ZNF804B: variants seen among roughly 807,000 people sequenced by gnomAD.
ZNF804B encodes zinc finger protein 804B, also known as zinc finger 804B.
Under a neutral mutation model 101.4 loss-of-function variants are expected in ZNF804B, and 80 were observed. The ratio of observed to expected loss-of-function variants is 0.79; its 90% confidence interval spans 0.66 to 0.95. The LOEUF is 0.95. Ranked by LOEUF, ZNF804B falls within the 40% of genes least tolerant of loss-of-function variation. The pLI is 0.00. For missense variants in ZNF804B, 1,673 were observed against 1,561.9 expected (o/e 1.07, Z -1.20); for synonymous variants, 622 against 558.8 (o/e 1.11, Z -1.59).
At chr7:88,854,527 T>TTTCCTTTCCTTTCCTTTCC (rs1791519535) in intron 1 of ZNF804B, among the ~76,000 whole-genome samples, 1 of 40,074 alleles carries the variant, frequency 2.5e-5, no homozygotes, top group Non-Finnish European at 4.6e-5. Context: ...CTTTCCTTCC[T>TTTCCTTTCCTTTCCTTTCC]TTCCTTCCTT....
intron 2 of ZNF804B, among the ~76,000 whole-genome samples, chr7:89,258,010 G>C (rs1280941539): frequency 6.6e-6 from 1 of 151,808 alleles, no homozygotes; most frequent in African/African-American, 2.4e-5. Context: ...AATATGATTG[G>C]CCCTTCATAT....
chr7:88,777,867 A>AT (rs397971204), intron 1 of ZNF804B, among the ~76,000 whole-genome samples: 4 of 150,954 alleles, frequency 2.6e-5, no homozygotes, highest in Admixed American at 2.0e-4. Flanking sequence ...AAAAAAAAAA[A>AT]TTGCAGAAAC....
intron 1 of ZNF804B, among the ~76,000 whole-genome samples, chr7:89,044,216 C>G (rs1789065532): frequency 6.6e-6 from 1 of 152,108 alleles, no homozygotes; most frequent in South Asian, 2.1e-4. Flanking sequence ...CCTCTTTGCT[C>G]AACACTTCTT....
chr7:88,797,563 T>C (rs1199068569), intron 1 of ZNF804B, among the ~76,000 whole-genome samples: 2 of 152,130 alleles, frequency 1.3e-5, no homozygotes, highest in African/African-American at 2.4e-5. Context: ...GGACAGGCAA[T>C]GGTGTGATTT....
intron 1 of ZNF804B, among the ~76,000 whole-genome samples, chr7:89,079,779 G>A (rs897340113): frequency 1.3e-5 from 2 of 151,894 alleles, no homozygotes; most frequent in Non-Finnish European, 2.9e-5. Context: ...ATGACTTGCC[G>A]ATATCCAGGG....
chr7:89,112,446 T>C (rs550333613), intron 1 of ZNF804B, among the ~76,000 whole-genome samples: 53 of 152,214 alleles, frequency 3.5e-4, no homozygotes, highest in Non-Finnish European at 6.9e-4. Context: ...TGAGTCTATT[T>C]CTGGGCTCTC....
At chr7:89,186,897 A>C (rs1258447566) in intron 1 of ZNF804B, among the ~76,000 whole-genome samples, 1 of 152,190 alleles carries the variant, frequency 6.6e-6, no homozygotes, top group Non-Finnish European at 1.5e-5. Flanking sequence ...GAAAATAATA[A>C]GAGCCCTTTG....
intron 1 of ZNF804B, among the ~76,000 whole-genome samples, chr7:89,017,181 G>C (rs1157570626): frequency 6.6e-6 from 1 of 152,164 alleles, no homozygotes; most frequent in African/African-American, 2.4e-5. Flanking sequence ...TTTGTACATT[G>C]ATATTGTATC....
intron 1 of ZNF804B, among the ~76,000 whole-genome samples, chr7:88,884,905 T>A (rs1792101214): frequency 6.6e-6 from 1 of 151,900 alleles, no homozygotes; most frequent in Admixed American, 6.6e-5. Flanking sequence ...TGTTTATTAG[T>A]CTCGTCCATT....
intron 1 of ZNF804B, among the ~76,000 whole-genome samples, chr7:88,809,129 T>G (rs1790737527): frequency 6.6e-6 from 1 of 152,170 alleles, no homozygotes; most frequent in Non-Finnish European, 1.5e-5. Context: ...TTTTAAGGAT[T>G]TCTAATGTGA....
At chr7:88,912,573 C>T (rs1440456144) in intron 1 of ZNF804B, among the ~76,000 whole-genome samples, 1 of 151,964 alleles carries the variant, frequency 6.6e-6, no homozygotes, top group Non-Finnish European at 1.5e-5. Flanking sequence ...CTTGGGTAAA[C>T]TTTTGTGTAT....
At chr7:89,011,692 A>C (rs1788464331) in intron 1 of ZNF804B, among the ~76,000 whole-genome samples, 1 of 152,164 alleles carries the variant, frequency 6.6e-6, no homozygotes, top group African/African-American at 2.4e-5. Flanking sequence ...TCTCTCATGC[A>C]GGTCACACTG....
At chr7:88,853,179 T>C (rs1315715040) in intron 1 of ZNF804B, among the ~76,000 whole-genome samples, 1 of 152,148 alleles carries the variant, frequency 6.6e-6, no homozygotes, top group Non-Finnish European at 1.5e-5. Context: ...GATAACCTGC[T>C]TTAGCTTCTT....
chr7:89,042,309 T>A (rs1305907257), intron 1 of ZNF804B, among the ~76,000 whole-genome samples: 1 of 152,178 alleles, frequency 6.6e-6, no homozygotes, highest in East Asian at 1.9e-4. Context: ...TTCTGAAAGT[T>A]CTGTTTGAAG....
intron 1 of ZNF804B, among the ~76,000 whole-genome samples, chr7:89,173,248 A>G (rs1446729195): frequency 6.6e-6 from 1 of 152,076 alleles, no homozygotes; most frequent in Non-Finnish European, 1.5e-5. Flanking sequence ...ACACCATTCC[A>G]CAATAAGTTC....
At chr7:89,119,738 A>C (rs188931330) in intron 1 of ZNF804B, among the ~76,000 whole-genome samples, 2 of 152,348 alleles carry the variant, frequency 1.3e-5, no homozygotes, top group East Asian at 3.9e-4. Flanking sequence ...TACTTAAATC[A>C]AGCAAGCTAA....
chr7:89,090,320 T>C (rs533733193), intron 1 of ZNF804B, among the ~76,000 whole-genome samples: 2 of 151,940 alleles, frequency 1.3e-5, no homozygotes, highest in Non-Finnish European at 2.9e-5. Flanking sequence ...CCTAAGTAAA[T>C]ATGAAAATTT....
At chr7:89,108,156 C>A (rs528212294) in intron 1 of ZNF804B, among the ~76,000 whole-genome samples, 1 of 151,668 alleles carries the variant, frequency 6.6e-6, no homozygotes, top group Non-Finnish European at 1.5e-5. Context: ...AAGATTAGAA[C>A]AGTTTGATGA....
At chr7:89,236,387 T>C (rs775043534) in intron 2 of ZNF804B, among the ~76,000 whole-genome samples, 2 of 152,090 alleles carry the variant, frequency 1.3e-5, no homozygotes, top group African/African-American at 4.8e-5. Flanking sequence ...CCAACTGTTA[T>C]GAAAATTACA....
Sources: allele counts gnomAD v4.1 joint callset (sites outside exome capture counted in the v4.1 genomes callset), GRCh38; gene constraint gnomAD v4.1.1; transcripts MANE v1.5; gene names NCBI Gene and HGNC (gene_info 2026-07-23, HGNC 2026-07-21).